The following NDUFA11 variants were observed in gnomAD, a reference collection of about 807,000 sequenced individuals.
NDUFA11 encodes NADH dehydrogenase [ubiquinone] 1 alpha subcomplex subunit 11.
NDUFA11 carries 14 observed loss-of-function variants against 11.3 expected under a neutral mutation model. That is an observed-to-expected ratio of 1.24 (90% CI 0.82 to 1.94). NDUFA11 has a LOEUF of 1.94. Among genes scored for constraint, NDUFA11 ranks in the 30% most tolerant of loss-of-function variants. The pLI, the probability that NDUFA11 is intolerant of heterozygous loss-of-function variation, is 0.00. For missense variants in NDUFA11, 204 were observed against 200.3 expected (o/e 1.02, Z -0.11); for synonymous variants, 87 against 85.6 (o/e 1.02, Z -0.09).
Position 5,896,015 on chromosome 19 carries a change from G to A in NDUFA11, c.313+438C>T. 1 of 298,274 alleles carries A rather than the reference G, an allele frequency of 3.4e-6. No individual in the cohort carries two copies. Among genetic ancestry groups the A allele is most frequent in the South Asian group, 8.8e-5 (1 of 11,382 alleles). 18.5% of individuals were successfully genotyped at this position (298,274 alleles called of 1,614,324 possible). On this transcript the variant is annotated intron_variant, in intron 3 of 3. Transcript: ENST00000308961. This position sits in a 1 kb window ranked among gnomAD's most constrained non-coding sequence, Gnocchi z 5.8. The stretch of plus-strand genomic sequence containing the variant: ...GACTCACAGGCCAGTGGCAGAGACA[G>A]GGGGTGACCTTGGTGACCTGTGTCC...
chr19:5,903,522 C>T, intron 1 of NDUFA11, 90 bp downstream of exon 1: 1 of 1,292,752 alleles, frequency 7.7e-7, no homozygotes, highest in Non-Finnish European at 1.1e-6. Flanking sequence ...CGCGAGACTC[C>T]CAGACCCGTT....
At chr19:5,897,372 G>A (rs531815027) in intron 1 of NDUFA11, among the ~76,000 whole-genome samples, 1 of 152,284 alleles carries the variant, frequency 6.6e-6, no homozygotes, top group East Asian at 1.9e-4. Flanking sequence ...CCTCAGTTCT[G>A]CGGCTGCTTC....
chr19:5,896,362 G>T lies in NDUFA11; in HGVS notation c.313+91C>A. ...AGAAGGCTGCTTTACTTCTTGTCCG[G>T]GATGGAACAGAGAGGGTGGAGGATG... On this transcript the variant is annotated intron_variant, in intron 3 of 3. Coordinates refer to ENST00000308961, the MANE Select transcript of NDUFA11 (RefSeq NM_175614.5). The surrounding 1 kb of genome is among the most constrained non-coding windows in gnomAD (Gnocchi z 5.8). The T allele has an allele frequency of 7.2e-7, 1 of 1,381,116 alleles. No individual in the cohort carries two copies. Among genetic ancestry groups the T allele is most frequent in the Non-Finnish European group, 9.8e-7 (1 of 1,020,148 alleles). 85.6% of individuals were successfully genotyped at this position (1,381,116 alleles called of 1,614,324 possible).
rs747920556 is a variant in NDUFA11 at position 5,896,447 on chromosome 19, ACTCACTGCGTGCTC to A, written c.305_313+5del. 1 of 1,567,098 alleles carries A rather than the reference ACTCACTGCGTGCTC, an allele frequency of 6.4e-7. No individual in the cohort carries two copies. The highest frequency in any genetic ancestry group is 1.2e-5 in the South Asian group (1 of 85,394). On this transcript the variant is annotated splice_donor_variant and splice_donor_5th_base_variant and coding_sequence_variant and intron_variant, in exon 3 of 4. Transcript: ENST00000308961. LOFTEE classifies it high-confidence loss of function. This position sits in a 1 kb window ranked among gnomAD's most constrained non-coding sequence, Gnocchi z 5.8. ...GGAGGGTGGGGGTGGGGAGGGGGCCACTCACTGCGTGCTCCCAGAGTCAGGCCTCCGGCGCAGCC... is the reference window on the plus strand; with the variant it reads ...GGAGGGTGGGGGTGGGGAGGGGGCCACCAGAGTCAGGCCTCCGGCGCAGCC...
chr19:5,897,178 T>TG (rs1235450137), intron 1 of NDUFA11, among the ~76,000 whole-genome samples, 181 bp from the exon 2 acceptor site: 1 of 152,120 alleles, frequency 6.6e-6, no homozygotes, highest in African/African-American at 2.4e-5. Flanking sequence ...GCTCCAAAAC[T>TG]GGGGGGCCTC....
chr19:5,894,916 C>T (rs1188454974), intron 3 of NDUFA11, 62 bp from the exon 4 acceptor site: 27 of 1,516,896 alleles, frequency 1.8e-5, no homozygotes, highest in South Asian at 1.4e-4. Context: ...AGACGCTCCA[C>T]GCCCTGGCCG....
At chr19:5,897,137 TG>T (rs2057615499) in intron 1 of NDUFA11, 140 bp from the exon 2 acceptor site, 2 of 736,960 alleles carry the variant, frequency 2.7e-6, no homozygotes, top group Non-Finnish European at 4.8e-6. Flanking sequence ...GGCTGCTGAG[TG>T]GCAGAGCTGG....
At chr19:5,901,436 T>C in intron 1 of NDUFA11, 4 of 1,287,104 alleles carry the variant, frequency 3.1e-6, no homozygotes, top group Non-Finnish European at 4.0e-6. Flanking sequence ...AATATGCTTC[T>C]CCAACCTTCA....
chr19:5,896,989 CG>C lies in NDUFA11; in HGVS notation c.105del (p.Ala36ProfsTer53). On this transcript the variant is annotated frameshift_variant, in exon 2 of 4. Coordinates refer to ENST00000308961, the MANE Select transcript of NDUFA11 (RefSeq NM_175614.5). LOFTEE classifies it high-confidence loss of function. This position sits in a 1 kb window ranked among gnomAD's most constrained non-coding sequence, Gnocchi z 5.8. The part of the protein sequence containing the change: ...TTSIASVAGL[T>X]AAAYRVTLNP... ...TTGAGTGTGACTCTGTAGGCAGCGG[CG>C]GTCAGGCCTGCGAGACAGAGGAGGG... The C allele has an allele frequency of 6.2e-7, 1 of 1,613,914 alleles. No individual in the cohort carries two copies. The highest frequency in any genetic ancestry group is 8.5e-7 in the Non-Finnish European group (1 of 1,179,908).
At chr19:5,902,188 G>C (rs538798570) in intron 1 of NDUFA11, among the ~76,000 whole-genome samples, 1 of 151,866 alleles carries the variant, frequency 6.6e-6, no homozygotes, top group Non-Finnish European at 1.5e-5. Context: ...TGTTAGCCAG[G>C]ATGGTCTCAA....
chr19:5,893,220 G>A (rs759158840), downstream of NDUFA11: 2 of 1,530,772 alleles, frequency 1.3e-6, no homozygotes, highest in Non-Finnish European at 8.8e-7. The surrounding 1 kb of genome is among the most constrained non-coding windows in gnomAD (Gnocchi z 4.1). Flanking sequence ...CACTCTGGGA[G>A]GCTGAGGTGT....
At chr19:5,901,285 C>T (rs1398073013) in intron 1 of NDUFA11, 2 of 1,260,110 alleles carry the variant, frequency 1.6e-6, no homozygotes, top group South Asian at 1.3e-5. Flanking sequence ...AGATCCTATC[C>T]CCTGGGTGGC....
Position 5,896,877 on chromosome 19 carries a change from C to T in NDUFA11, c.190+28G>A. 6.3e-7 allele frequency: 1 copy of T among 1,575,528 alleles called. No homozygotes were observed. The highest frequency in any genetic ancestry group is 8.7e-7 in the Non-Finnish European group (1 of 1,145,294). ...AGCTGGGGCTGTGCCAGGAGAGGGC[C>T]CAGCCATGCCCAGCCCAGCGTGCTC... On this transcript the variant is annotated intron_variant, in intron 2 of 3. Transcript: ENST00000308961. The surrounding 1 kb of genome is among the most constrained non-coding windows in gnomAD (Gnocchi z 5.8).
chr19:5,899,876 G>A (rs1450047824), intron 1 of NDUFA11: 1 of 152,016 alleles, frequency 6.6e-6, no homozygotes, highest in Non-Finnish European at 1.5e-5. Flanking sequence ...TCTCAAGAGG[G>A]AACCACCGAC....
chr19:5,899,290 C>A (rs532942939), intron 1 of NDUFA11, among the ~76,000 whole-genome samples: 34 of 151,558 alleles, frequency 2.2e-4, no homozygotes, highest in African/African-American at 7.7e-4. Flanking sequence ...GCTGGGACTA[C>A]AGGCGCCCGC....
At chr19:5,903,527 C>T in intron 1 of NDUFA11, 85 bp downstream of exon 1, 1 of 1,319,126 alleles carries the variant, frequency 7.6e-7, no homozygotes, top group Non-Finnish European at 1.1e-6. Flanking sequence ...GACTCCCAGA[C>T]CCGTTCGATC....
At chr19:5,892,773 G>T, downstream of NDUFA11, 1 of 1,113,714 alleles carries the variant, frequency 9.0e-7, no homozygotes, top group Non-Finnish European at 1.2e-6. Context: ...TGGATGCGAT[G>T]CCCGTGAGTG....
chr19:5,902,181 T>C (rs987620925), intron 1 of NDUFA11, among the ~76,000 whole-genome samples: 2 of 151,924 alleles, frequency 1.3e-5, no homozygotes, highest in Non-Finnish European at 2.9e-5. Flanking sequence ...TTCACCGTGT[T>C]AGCCAGGATG....
chr19:5,899,751 G>T (rs917086011), intron 1 of NDUFA11: 6 of 152,166 alleles, frequency 3.9e-5, no homozygotes, highest in Admixed American at 3.9e-4. Context: ...AAAGGCCTGA[G>T]CAACCATGCC....
Sources: allele counts gnomAD v4.1 joint callset (sites outside exome capture counted in the v4.1 genomes callset), GRCh38; gene constraint gnomAD v4.1.1; non-coding constraint Gnocchi (gnomAD v3.1); transcripts MANE v1.5; gene names NCBI Gene and HGNC (gene_info 2026-07-23, HGNC 2026-07-21).